ARMH3: variants seen among roughly 807,000 people sequenced by gnomAD.
ARMH3 encodes the protein armadillo like helical domain containing 3.
A neutral mutation model predicts 99.1 loss-of-function variants in ARMH3; 60 were observed. The ratio of observed to expected loss-of-function variants is 0.61; its 90% confidence interval spans 0.49 to 0.75. The LOEUF is 0.75. ARMH3 is among the 30% of genes least tolerant of loss of function. The pLI is 0.00. For synonymous variants in ARMH3, 285 were observed against 292.8 expected, an observed-to-expected ratio of 0.97 and a Z score of 0.27; for missense variants, 679 against 843.1, an observed-to-expected ratio of 0.81 and a Z score of 2.41.
At chr10:101,960,669 T>A (rs940664927) in intron 20 of ARMH3, among the ~76,000 whole-genome samples, 1 of 151,892 alleles carries the variant, frequency 6.6e-6, no homozygotes, top group Admixed American at 6.6e-5. Context: ...GGCAGGCTGA[T>A]CATGAGGTCA....
chr10:101,876,901 G>A (rs916826278), intron 24 of ARMH3, among the ~76,000 whole-genome samples: 2 of 152,096 alleles, frequency 1.3e-5, no homozygotes, highest in African/African-American at 2.4e-5. Flanking sequence ...CCTGTCTCCA[G>A]TAACCTCTTC....
chr10:101,896,230 A>G (rs891621964), intron 23 of ARMH3, among the ~76,000 whole-genome samples: 6 of 141,564 alleles, frequency 4.2e-5, no homozygotes, highest in Non-Finnish European at 9.7e-5. Flanking sequence ...ACCCTGTCTC[A>G]AAAACAAACA....
At chr10:101,985,134 T>G (rs182189606) in intron 19 of ARMH3, among the ~76,000 whole-genome samples, 2 of 149,282 alleles carry the variant, frequency 1.3e-5, no homozygotes, top group Non-Finnish European at 3.0e-5. Flanking sequence ...TATACACACA[T>G]GTGTACATAT....
chr10:101,989,830 G>A (rs1846691075), intron 19 of ARMH3, among the ~76,000 whole-genome samples: 1 of 152,236 alleles, frequency 6.6e-6, no homozygotes, highest in African/African-American at 2.4e-5. Context: ...CCAGATAATA[G>A]GGCTCCAGCT....
At chr10:101,971,769 A>T (rs551465895) in intron 20 of ARMH3, among the ~76,000 whole-genome samples, 1 of 152,166 alleles carries the variant, frequency 6.6e-6, no homozygotes, top group Non-Finnish European at 1.5e-5. Flanking sequence ...CTTTCATTCT[A>T]TTCTCAAAAG....
intron 24 of ARMH3, among the ~76,000 whole-genome samples, chr10:101,850,783 G>A (rs997425940): frequency 6.6e-6 from 1 of 152,044 alleles, no homozygotes; most frequent in Non-Finnish European, 1.5e-5. Context: ...TGGCCACCAA[G>A]TCTGTTTACT....
rs1172371016 is a variant in ARMH3 at position 101,966,121 on chromosome 10, T to TA, written c.1496-8390dup. On this transcript the variant is annotated intron_variant, in intron 20 of 25. Transcript: ENST00000370033. ...TCTTTTCTTTTTTTTTTTTTTTTTT[T>TA]AGACAGAGTCTCACTCTGTCACCCA... Among the ~76,000 whole-genome samples, 43 of 146,058 alleles carry TA rather than the reference T, an allele frequency of 2.9e-4. 1 individual carries two copies. The South Asian group carries it at 8.9e-3, about 30-fold the overall frequency.
At chr10:102,025,114 C>G (rs772864125) in intron 6 of ARMH3, 42 bp downstream of exon 6, 1 of 1,489,292 alleles carries the variant, frequency 6.7e-7, no homozygotes, top group Non-Finnish European at 9.4e-7. Context: ...CAGGATTGCC[C>G]CTCCTGTCAA....
intron 20 of ARMH3, among the ~76,000 whole-genome samples, chr10:101,961,586 CCT>C (rs1382868158): frequency 1.3e-5 from 2 of 152,038 alleles, no homozygotes; most frequent in Admixed American, 6.6e-5. Context: ...AAGAAAATGC[CCT>C]GTGTCAGGAG....
rs529019993 is a variant in ARMH3 at position 101,914,118 on chromosome 10, G to A, written c.1782-24628C>T. Among the ~76,000 whole-genome samples, 11 of 152,194 alleles carry A rather than the reference G, an allele frequency of 7.2e-5. No homozygotes were observed. The East Asian group carries it at 1.4e-3, about 19-fold the overall frequency. On this transcript the variant is annotated intron_variant, in intron 23 of 25. Transcript: ENST00000370033. ...TGGCCAAGATGAACCTTCATTTCCC[G>A]GCTGGATGAAGTGCTGTGTATCTAT...
chr10:101,915,838 C>T (rs1279508242), intron 23 of ARMH3, among the ~76,000 whole-genome samples: 1 of 143,632 alleles, frequency 7.0e-6, no homozygotes, highest in Non-Finnish European at 1.5e-5. Context: ...GAGTCTCGCT[C>T]TCTCACCCAG....
At chr10:101,874,146 T>G (rs771177568) in intron 24 of ARMH3, among the ~76,000 whole-genome samples, 1 of 152,182 alleles carries the variant, frequency 6.6e-6, no homozygotes, top group Non-Finnish European at 1.5e-5. Flanking sequence ...TGGCCCAGAC[T>G]TGGGGTGAGG....
At chr10:102,013,050 TG>T (rs1298211456) in intron 9 of ARMH3, among the ~76,000 whole-genome samples, 174 bp from the exon 10 acceptor site, 2 of 152,162 alleles carry the variant, frequency 1.3e-5, no homozygotes, top group African/African-American at 4.8e-5. Flanking sequence ...GGAAGTTCTT[TG>T]GGAAGACTTT....
chr10:101,957,673 T>C lies in ARMH3; in HGVS notation c.1555A>G (p.Asn519Asp), dbSNP rs557242117. Residue 519 changes from asparagine (N) to aspartate (D), a missense_variant, in exon 21 of 26, where the codon AAC becomes GAC. Coordinates refer to ENST00000370033, the MANE Select transcript of ARMH3 (RefSeq NM_024541.3). ...ACCATAAGGGCTAATGTAAAAATGTTGTGTTTGGCCAAAAGTACAGTCTCA... is the reference window on the plus strand; with the variant it reads ...ACCATAAGGGCTAATGTAAAAATGTCGTGTTTGGCCAAAAGTACAGTCTCA... ...SNETVLLAKHNIFTLALMIVN... is the reference protein window; with the variant it reads ...SNETVLLAKHDIFTLALMIVN... 1 of 1,610,726 alleles carries C rather than the reference T, an allele frequency of 6.2e-7. No homozygotes were observed. The highest frequency in any genetic ancestry group is 1.1e-5 in the South Asian group (1 of 90,186).
Position 101,975,265 on chromosome 10 carries a change from T to C in ARMH3, c.1442A>G (p.Tyr481Cys). 1 of 1,612,562 alleles carries C rather than the reference T, an allele frequency of 6.2e-7. No homozygotes were observed. Among genetic ancestry groups the C allele is most frequent in the East Asian group, 2.2e-5 (1 of 44,826 alleles). ...CIQVVHKLLCYQKKCRVRLHY... is the reference protein window; with the variant it reads ...CIQVVHKLLCCQKKCRVRLHY... ...CAGGCGTACCCGACACTTCTTCTGG[T>C]AGCAGAGCAGTTTGTGTACTACCTG... Residue 481 changes from tyrosine (Y) to cysteine (C), a missense_variant, in exon 20 of 26, where the codon TAC becomes TGC. Around this residue, in one of 3 missense-constraint regions of ARMH3, gnomAD observed 389 missense variants for 456.5 expected, o/e 0.85. Coordinates refer to ENST00000370033, the MANE Select transcript of ARMH3 (RefSeq NM_024541.3).
chr10:101,903,031 T>C (rs1278738607), intron 23 of ARMH3, among the ~76,000 whole-genome samples: 1 of 152,186 alleles, frequency 6.6e-6, no homozygotes, highest in East Asian at 1.9e-4. Context: ...CTGCCATCTC[T>C]TCAATATACC....
chr10:101,880,473 T>C (rs2067384489), intron 24 of ARMH3, among the ~76,000 whole-genome samples: 1 of 152,106 alleles, frequency 6.6e-6, no homozygotes, highest in Non-Finnish European at 1.5e-5. Context: ...CTTCTTACAG[T>C]CTTCCTCAAC....
chr10:101,893,850 C>G lies in ARMH3; in HGVS notation c.1782-4360G>C, dbSNP rs181705857. ...CACCATTACACTTATCAGGTGTCAG[C>G]TGGCTCTATGGGTGACCTGTTCTTC... On this transcript the variant is annotated intron_variant, in intron 23 of 25. Transcript: ENST00000370033. 2.0e-4 allele frequency among the ~76,000 whole-genome samples: 30 copies of G among 152,288 alleles called. 1 individual carries two copies. The East Asian group carries it at 5.4e-3, about 27-fold the overall frequency.
chr10:101,875,981 G>C (rs940808632), intron 24 of ARMH3, among the ~76,000 whole-genome samples: 2 of 152,104 alleles, frequency 1.3e-5, no homozygotes, highest in Non-Finnish European at 2.9e-5. Context: ...TGGCGCAGTG[G>C]TTCACGCCTG....
Sources: allele counts gnomAD v4.1 joint callset (sites outside exome capture counted in the v4.1 genomes callset), GRCh38; gene constraint gnomAD v4.1.1; regional missense constraint gnomAD v4.1.1; transcripts MANE v1.5; gene names NCBI Gene and HGNC (gene_info 2026-07-23, HGNC 2026-07-21).